FSIP1: variants seen among roughly 807,000 people sequenced by gnomAD.
FSIP1 encodes the protein fibrous sheath-interacting protein 1.
A neutral mutation model predicts 60.9 loss-of-function variants in FSIP1; 65 were observed. The observed-to-expected ratio is 1.07, with a 90% confidence interval of 0.87 to 1.31. The LOEUF (loss-of-function observed/expected upper bound fraction) is 1.31. Among genes scored for constraint, FSIP1 ranks in the 40% most tolerant of loss-of-function variants. The pLI is 0.00. For missense variants in FSIP1, 675 were observed against 665.5 expected (o/e 1.01, Z -0.16); for synonymous variants, 209 against 221.2 (o/e 0.94, Z 0.49).
At chr15:39,755,063 G>C (rs1461216238) in intron 5 of FSIP1, among the ~76,000 whole-genome samples, 2 of 150,852 alleles carry the variant, frequency 1.3e-5, no homozygotes, top group Non-Finnish European at 3.0e-5. Context: ...TTTAGAGTAA[G>C]ATTAAAAAAA....
chr15:39,674,245 A>G lies in FSIP1; in HGVS notation c.1188+39199T>C, dbSNP rs192806446. Among the ~76,000 whole-genome samples, 790 of 152,114 alleles carry G rather than the reference A, an allele frequency of 5.2e-3. 7 individuals carry two copies. The highest frequency in any genetic ancestry group is 0.015 in the African/African-American group (635 of 41,508). On this transcript the variant is annotated intron_variant, in intron 10 of 11. Coordinates refer to ENST00000350221, the MANE Select transcript of FSIP1 (RefSeq NM_152597.5). ...AATTTTTTGTAGTTTTAGTAGAGAC[A>G]GGGTTTCACCGTGTTAGCCAGGATG...
chr15:39,647,383 A>T (rs1043073272), intron 10 of FSIP1, among the ~76,000 whole-genome samples: 1 of 152,204 alleles, frequency 6.6e-6, no homozygotes, highest in African/African-American at 2.4e-5. Context: ...TATAATTTTA[A>T]AAAAGTGGTT....
chr15:39,610,750 G>A (rs1172710842), intron 11 of FSIP1, among the ~76,000 whole-genome samples: 1 of 152,204 alleles, frequency 6.6e-6, no homozygotes. Flanking sequence ...TAATATTCAA[G>A]GGAGTCCCAA....
chr15:39,611,521 A>C (rs2140370864), intron 11 of FSIP1, among the ~76,000 whole-genome samples: 1 of 152,360 alleles, frequency 6.6e-6, no homozygotes, highest in South Asian at 2.1e-4. Context: ...CACAAAATAT[A>C]AAAGGAAAAG....
chr15:39,766,646 T>C (rs1897699668), intron 3 of FSIP1, among the ~76,000 whole-genome samples: 1 of 152,214 alleles, frequency 6.6e-6, no homozygotes. Context: ...CCACAGATAA[T>C]ATTCTCTCCA....
intron 10 of FSIP1, among the ~76,000 whole-genome samples, chr15:39,621,342 A>G (rs1891435773): frequency 6.6e-6 from 1 of 152,200 alleles, no homozygotes; most frequent in Admixed American, 6.5e-5. Context: ...GCACTATGAG[A>G]TAAAACATTA....
At chr15:39,714,160 T>G (rs188160909) in intron 9 of FSIP1, among the ~76,000 whole-genome samples, 1 of 152,304 alleles carries the variant, frequency 6.6e-6, no homozygotes, top group East Asian at 1.9e-4. Context: ...CAGTATGTAG[T>G]AGGCAAGCAA....
In FSIP1 at chr15:39,729,378, C is replaced by A. The variant is rs1223887546; in HGVS notation, c.892-2631G>T. Among the ~76,000 whole-genome samples, 13 of 152,128 alleles carry A rather than the reference C, an allele frequency of 8.5e-5. No individual in the cohort carries two copies. The East Asian group carries it at 2.3e-3, about 27-fold the overall frequency. Reference sequence around the variant, plus strand: ...CCTGAGCCCAGGAGTTCAATATAAGCCTGAGCAACATGACAAAACCTCACC... The same window carrying A: ...CCTGAGCCCAGGAGTTCAATATAAGACTGAGCAACATGACAAAACCTCACC... On this transcript the variant is annotated intron_variant, in intron 8 of 11. Transcript: ENST00000350221.
chr15:39,754,521 C>A (rs928679903), intron 5 of FSIP1, among the ~76,000 whole-genome samples: 1 of 151,600 alleles, frequency 6.6e-6, no homozygotes, highest in Non-Finnish European at 1.5e-5. Flanking sequence ...AATGCTGAGA[C>A]CAAACCATTT....
rs1463882561 is a variant in FSIP1, at chr15:39,600,831, T to C, written c.*49A>G. 3.4e-6 allele frequency: 5 copies of C among 1,456,702 alleles called. No individual in the cohort carries two copies. The highest frequency in any genetic ancestry group is 1.4e-5 in the African/African-American group (1 of 70,152). 90.2% of individuals were successfully genotyped at this position (1,456,702 alleles called of 1,614,324 possible). On this transcript the variant is annotated 3_prime_UTR_variant, in exon 12 of 12. Transcript: ENST00000350221. ...TCAAATAATTCAATAAGAAATTTAA[T>C]TTAACTTCATTACCAACTTTCTGAA...
intron 10 of FSIP1, among the ~76,000 whole-genome samples, chr15:39,626,151 C>A (rs1183925079): frequency 6.6e-6 from 1 of 152,198 alleles, no homozygotes; most frequent in Non-Finnish European, 1.5e-5. Context: ...TTGGAGAAAT[C>A]TGGTATAAAT....
Position 39,770,212 on chromosome 15 carries a change from T to A in FSIP1, c.310+215A>T, listed in dbSNP as rs111551785. On this transcript the variant is annotated intron_variant, in intron 3 of 11. Coordinates refer to ENST00000350221, the MANE Select transcript of FSIP1 (RefSeq NM_152597.5). ...ATGACCACAATTTTATTAAATGACA[T>A]ATTTTGTTATATTTCTAATATATTT... Among the ~76,000 whole-genome samples, 6 of 152,310 alleles carry A rather than the reference T, an allele frequency of 3.9e-5. No individual in the cohort carries two copies. In the East Asian group the frequency reaches 1.2e-3, roughly 29 times the overall value.
intron 8 of FSIP1, among the ~76,000 whole-genome samples, chr15:39,736,334 C>CCTCA (rs1345383500): frequency 3.9e-5 from 6 of 152,224 alleles, no homozygotes; most frequent in Non-Finnish European, 1.5e-5. Context: ...CCCGCTGGGA[C>CCTCA]CTCACCATCT....
intron 10 of FSIP1, among the ~76,000 whole-genome samples, chr15:39,655,799 T>C (rs1392376252): frequency 6.6e-6 from 1 of 152,154 alleles, no homozygotes; most frequent in Non-Finnish European, 1.5e-5. Context: ...TGAAATGATC[T>C]TAGGATAGGA....
chr15:39,768,857 T>C (rs1432383135), intron 3 of FSIP1, among the ~76,000 whole-genome samples: 1 of 152,246 alleles, frequency 6.6e-6, no homozygotes, highest in Admixed American at 6.5e-5. Context: ...ATATTTTACA[T>C]TGAATGGATC....
intron 10 of FSIP1, among the ~76,000 whole-genome samples, chr15:39,629,646 G>A (rs1290022153): frequency 6.6e-6 from 1 of 152,300 alleles, no homozygotes. Flanking sequence ...AAATCCTGAG[G>A]TGTGCTTCCT....
At chr15:39,755,604 C>T (rs1897277203) in intron 5 of FSIP1, among the ~76,000 whole-genome samples, 5 of 152,124 alleles carry the variant, frequency 3.3e-5, no homozygotes, top group Admixed American at 2.6e-4. Flanking sequence ...GTGATTTCCT[C>T]CCTCTACCCT....
At chr15:39,753,990 T>A (rs1897236910) in intron 5 of FSIP1, among the ~76,000 whole-genome samples, 1 of 152,012 alleles carries the variant, frequency 6.6e-6, no homozygotes. Context: ...AGAAATTCTT[T>A]GACATATAAA....
chr15:39,738,265 A>T, intron 7 of FSIP1, 64 bp from the exon 8 acceptor site: 1 of 1,099,876 alleles, frequency 9.1e-7, no homozygotes, highest in South Asian at 1.4e-5. Flanking sequence ...GGAAAAAAAA[A>T]ATGGAATCTG....
Sources: gnomAD v4.1 joint callset for allele counts (sites outside exome capture counted in the v4.1 genomes callset) on GRCh38, gnomAD v4.1.1 for gene constraint, MANE v1.5 for transcripts, NCBI Gene and HGNC (gene_info 2026-07-23, HGNC 2026-07-21) for gene names.